TRIM61: variants seen among roughly 807,000 people sequenced by gnomAD.
TRIM61 encodes the protein tripartite motif containing 61, also known as putative tripartite motif-containing protein 61.
In TRIM61, 1 loss-of-function variant was observed where a neutral mutation model predicts 14.2. The observed-to-expected ratio is 0.07, with a 90% confidence interval of 0.03 to 0.33. TRIM61 has a LOEUF of 0.33. Among genes scored for constraint, TRIM61 ranks in the 10% least tolerant of loss-of-function variants. The probability of loss-of-function intolerance (pLI) is 0.99; values close to 1 mark genes in which losing one functional copy is unlikely to be tolerated. For missense variants in TRIM61, 19 were observed against 202.2 expected, an observed-to-expected ratio of 0.09 and a Z score of 5.49; for synonymous variants, 8 against 71.6, an observed-to-expected ratio of 0.11 and a Z score of 4.49.
At chr4:164,968,045 G>T (rs562834909) in intron 3 of TRIM61, 11 of 440,604 alleles carry the variant, frequency 2.5e-5, no homozygotes, top group Non-Finnish European at 3.3e-5. Flanking sequence ...CCAGCTACTT[G>T]GGAGGCTGAG....
At chr4:164,974,424 A>G (rs1344393270) in intron 2 of TRIM61, among the ~76,000 whole-genome samples, 2 of 152,184 alleles carry the variant, frequency 1.3e-5, no homozygotes, top group Non-Finnish European at 2.9e-5. Flanking sequence ...AGAATCGAAA[A>G]TACAGTATTC....
intron 2 of TRIM61, among the ~76,000 whole-genome samples, chr4:164,972,114 G>A (rs2111150903): frequency 6.6e-6 from 1 of 152,300 alleles, no homozygotes; most frequent in South Asian, 2.1e-4. Flanking sequence ...ACAAGCAAAA[G>A]CTATCACAGC....
At chr4:164,969,245 T>G in intron 3 of TRIM61, 1 of 1,399,048 alleles carries the variant, frequency 7.1e-7, no homozygotes, top group Non-Finnish European at 9.3e-7. Flanking sequence ...ATAGATATCC[T>G]TAACATTTGC....
intron 3 of TRIM61, chr4:164,957,821 C>G (rs181776248): frequency 4.4e-6 from 1 of 224,810 alleles, no homozygotes; most frequent in Non-Finnish European, 9.5e-6. Context: ...GCAGAGTAAA[C>G]TATTCACTCA....
intron 3 of TRIM61, chr4:164,956,985 G>C (rs1282096452): frequency 6.9e-7 from 1 of 1,451,524 alleles, no homozygotes. Context: ...GGTGTGGCGC[G>C]ACGTTGGAGA....
intron 2 of TRIM61, among the ~76,000 whole-genome samples, chr4:164,976,463 TA>T (rs1369113215): frequency 1.3e-5 from 2 of 152,214 alleles, no homozygotes; most frequent in African/African-American, 2.4e-5. Context: ...TCTTCTCTAC[TA>T]TTTAAAATCA....
At chr4:164,964,930 A>G (rs952728227) in intron 3 of TRIM61, among the ~76,000 whole-genome samples, 1 of 152,168 alleles carries the variant, frequency 6.6e-6, no homozygotes, top group African/African-American at 2.4e-5. Context: ...CACCAACGTC[A>G]TCCTATTTTT....
At position 164,954,467 on chromosome 4, in the gene TRIM61, T is replaced by C. The variant is rs1560880334; in HGVS notation, c.*318A>G. Reference sequence around the variant, plus strand: ...AACCTTGGGGAGTTTGTGCATTTTATTTTTTAACCATCAGTTTTGTATTAT... The same window carrying C: ...AACCTTGGGGAGTTTGTGCATTTTACTTTTTAACCATCAGTTTTGTATTAT... On this transcript the variant is annotated 3_prime_UTR_variant, in exon 5 of 5. Transcript: ENST00000329314. The C allele has an allele frequency of 6.6e-6, 1 of 152,258 alleles. No homozygotes were observed. The highest frequency in any genetic ancestry group is 1.5e-5 in the Non-Finnish European group (1 of 68,044). The allele number at this position is 152,258 out of a possible 1,614,324, so 9.4% of individuals were successfully genotyped here. A position where few individuals can be genotyped will look rare whatever the true frequency, so the allele number is the denominator to read the frequency against.
chr4:164,960,533 C>A (rs751982721), intron 3 of TRIM61, among the ~76,000 whole-genome samples: 2 of 147,334 alleles, frequency 1.4e-5, no homozygotes, highest in African/African-American at 5.0e-5. Flanking sequence ...CCAATCCGGG[C>A]GACAGAGTAA....
intron 2 of TRIM61, among the ~76,000 whole-genome samples, chr4:164,975,570 A>C (rs367714252): frequency 6.6e-5 from 10 of 152,326 alleles, no homozygotes; most frequent in African/African-American, 2.2e-4. Context: ...GGTTTAAGGG[A>C]TCTAGGGCTG....
intron 3 of TRIM61, among the ~76,000 whole-genome samples, chr4:164,964,831 TA>T (rs1424302470): frequency 6.6e-6 from 1 of 152,214 alleles, no homozygotes; most frequent in Non-Finnish European, 1.5e-5. Flanking sequence ...GTCTTTAAAC[TA>T]TGACTGTTTT....
intron 2 of TRIM61, among the ~76,000 whole-genome samples, chr4:164,974,692 C>T (rs112864728): frequency 1.3e-5 from 2 of 151,974 alleles, no homozygotes; most frequent in African/African-American, 4.8e-5. Flanking sequence ...CCAGCCTGAG[C>T]AACATGGCAA....
intron 3 of TRIM61, among the ~76,000 whole-genome samples, chr4:164,960,046 A>T (rs1245567517): frequency 6.6e-6 from 1 of 152,170 alleles, no homozygotes; most frequent in Non-Finnish European, 1.5e-5. Flanking sequence ...TGACACAAAG[A>T]TATGCACAGA....
At chr4:164,957,250 A>G (rs1342431234) in intron 3 of TRIM61, 4 of 1,613,972 alleles carry the variant, frequency 2.5e-6, no homozygotes, top group East Asian at 2.2e-5. Flanking sequence ...CGCTCCACCA[A>G]TCCTGGGAGA....
At chr4:164,966,557 T>A (rs1366369080) in intron 3 of TRIM61, among the ~76,000 whole-genome samples, 1 of 152,214 alleles carries the variant, frequency 6.6e-6, no homozygotes, top group Admixed American at 6.5e-5. Context: ...TATAAAGCAA[T>A]AGTTGTAATT....
chr4:164,969,128 C>A (rs533815911), intron 3 of TRIM61: 56 of 1,114,416 alleles, frequency 5.0e-5, no homozygotes, highest in Non-Finnish European at 5.9e-5. Context: ...TACTTGAAAT[C>A]GCTTGATAAT....
chr4:164,970,395 G>A (rs1429000712), intron 2 of TRIM61, 56 bp from the exon 3 acceptor site: 27 of 194,836 alleles, frequency 1.4e-4, no homozygotes, highest in African/African-American at 3.8e-4. Flanking sequence ...TGTATTAAAC[G>A]TTCACACAAG....
At chr4:164,971,120 G>T (rs1350059894) in intron 2 of TRIM61, among the ~76,000 whole-genome samples, 1 of 151,994 alleles carries the variant, frequency 6.6e-6, no homozygotes, top group Non-Finnish European at 1.5e-5. Flanking sequence ...AAAAAATGGG[G>T]AACAAATAAA....
intron 2 of TRIM61, among the ~76,000 whole-genome samples, chr4:164,976,083 C>T (rs1054644833): frequency 6.6e-5 from 10 of 152,170 alleles, no homozygotes; most frequent in African/African-American, 2.4e-4. Flanking sequence ...ATAGTACTTT[C>T]CCTTGAACTT....
Sources: gnomAD v4.1 joint callset for allele counts (sites outside exome capture counted in the v4.1 genomes callset) on GRCh38, gnomAD v4.1.1 for gene constraint, MANE v1.5 for transcripts, NCBI Gene and HGNC (gene_info 2026-07-23, HGNC 2026-07-21) for gene names.